The following SERGEF variants were observed in gnomAD, a reference collection of about 807,000 sequenced individuals.
The protein encoded by SERGEF is secretion regulating guanine nucleotide exchange factor.
SERGEF carries 51 observed loss-of-function variants against 50.0 expected under a neutral mutation model. The ratio of observed to expected loss-of-function variants is 1.02; its 90% CI spans 0.81 to 1.29. SERGEF has a LOEUF of 1.29. SERGEF is among the 50% of genes most tolerant of loss of function. The probability of loss-of-function intolerance (pLI) is 0.00; values close to 1 mark genes in which losing one functional copy is unlikely to be tolerated. For synonymous variants in SERGEF, 205 were observed against 212.4 expected (o/e 0.97, Z 0.30); for missense variants, 521 against 557.0 (o/e 0.94, Z 0.65).
chr11:18,012,755 G>A (rs901935688), intron 1 of SERGEF, 196 bp downstream of exon 1: 10 of 1,421,868 alleles, frequency 7.0e-6, no homozygotes, highest in Non-Finnish European at 8.4e-6. Context: ...CCCCTAAGTC[G>A]ACCGCGAAGA....
At chr11:17,874,708 C>G (rs1326947937) in intron 10 of SERGEF, among the ~76,000 whole-genome samples, 1 of 152,136 alleles carries the variant, frequency 6.6e-6, no homozygotes, top group Non-Finnish European at 1.5e-5. Context: ...GAATCCTGTC[C>G]TTGAACAAAT....
At chr11:17,909,162 C>T (rs964707005) in intron 9 of SERGEF, among the ~76,000 whole-genome samples, 2 of 152,176 alleles carry the variant, frequency 1.3e-5, no homozygotes, top group Admixed American at 6.5e-5. Flanking sequence ...CCTCTGTGAC[C>T]TTGGGCAAGT....
intron 9 of SERGEF, among the ~76,000 whole-genome samples, chr11:17,928,629 A>T (rs1354653840): frequency 1.3e-5 from 2 of 152,116 alleles, no homozygotes; most frequent in African/African-American, 4.8e-5. Context: ...CAACCAATGA[A>T]AAAAAAACAA....
At chr11:17,797,572 A>G (rs1849591788) in intron 10 of SERGEF, among the ~76,000 whole-genome samples, 1 of 147,674 alleles carries the variant, frequency 6.8e-6, no homozygotes, top group Non-Finnish European at 1.5e-5. Context: ...ATTTTTCTTC[A>G]TTTTTTTTTT....
At chr11:17,961,121 C>T (rs1323738227) in intron 8 of SERGEF, among the ~76,000 whole-genome samples, 1 of 152,126 alleles carries the variant, frequency 6.6e-6, no homozygotes, top group East Asian at 1.9e-4. Context: ...ACTACTATGC[C>T]GCCATTTGGC....
chr11:17,799,077 C>T (rs1440006715), intron 10 of SERGEF, among the ~76,000 whole-genome samples: 1 of 152,188 alleles, frequency 6.6e-6, no homozygotes, highest in Non-Finnish European at 1.5e-5. Context: ...TTCTTCAATC[C>T]TGGTGATACC....
chr11:17,955,128 C>T (rs533694344), intron 9 of SERGEF, among the ~76,000 whole-genome samples: 279 of 152,280 alleles, frequency 1.8e-3, no homozygotes, highest in African/African-American at 6.3e-3. Flanking sequence ...TGTTGTCCCT[C>T]GGCCTGATAT....
intron 10 of SERGEF, among the ~76,000 whole-genome samples, chr11:17,830,399 C>G (rs917048787): frequency 6.6e-5 from 10 of 152,166 alleles, no homozygotes; most frequent in African/African-American, 2.4e-4. Context: ...AACAGAATAG[C>G]ACAGACTGGA....
At chr11:17,836,047 G>GT (rs1308422866) in intron 10 of SERGEF, among the ~76,000 whole-genome samples, 4 of 152,326 alleles carry the variant, frequency 2.6e-5, no homozygotes, top group African/African-American at 9.6e-5. Flanking sequence ...TGGTTGACTG[G>GT]TTAGGTAGAG....
chr11:17,804,759 A>G (rs1849727989), intron 10 of SERGEF, among the ~76,000 whole-genome samples: 1 of 152,232 alleles, frequency 6.6e-6, no homozygotes, highest in African/African-American at 2.4e-5. Context: ...CATTAGTGGT[A>G]TATCTAACTA....
intron 9 of SERGEF, among the ~76,000 whole-genome samples, chr11:17,945,927 G>A (rs1852650365): frequency 6.6e-6 from 1 of 151,474 alleles, no homozygotes; most frequent in Non-Finnish European, 1.5e-5. Context: ...GCAGTGAGCC[G>A]AGATCACACC....
At chr11:17,817,462 T>C (rs1372337847) in intron 10 of SERGEF, among the ~76,000 whole-genome samples, 1 of 152,126 alleles carries the variant, frequency 6.6e-6, no homozygotes, top group Non-Finnish European at 1.5e-5. Context: ...GTGATCTGCC[T>C]GCCTCAGCCT....
chr11:17,964,306 G>A (rs1853074258), intron 8 of SERGEF, among the ~76,000 whole-genome samples: 1 of 151,786 alleles, frequency 6.6e-6, no homozygotes, highest in South Asian at 2.1e-4. Context: ...GGTAGGGTGG[G>A]TGGATGATGA....
chr11:17,928,967 A>G (rs538825699), intron 9 of SERGEF, among the ~76,000 whole-genome samples: 1 of 152,362 alleles, frequency 6.6e-6, no homozygotes, highest in Admixed American at 6.5e-5. Flanking sequence ...GCAATGTGAA[A>G]GTACCTAACA....
At chr11:17,907,788 A>G (rs548675756) in intron 9 of SERGEF, among the ~76,000 whole-genome samples, 117 of 152,370 alleles carry the variant, frequency 7.7e-4, no homozygotes, top group African/African-American at 2.7e-3. Context: ...CAGAGGGAAG[A>G]TGGGGTAGGG....
chr11:17,989,052 T>G (rs1421952513), intron 7 of SERGEF, among the ~76,000 whole-genome samples: 1 of 152,228 alleles, frequency 6.6e-6, no homozygotes, highest in East Asian at 1.9e-4. Flanking sequence ...ACATCTACCA[T>G]GTGTATGAGA....
intron 10 of SERGEF, among the ~76,000 whole-genome samples, chr11:17,818,456 A>G (rs1850020163): frequency 6.6e-6 from 1 of 152,188 alleles, no homozygotes; most frequent in Non-Finnish European, 1.5e-5. Flanking sequence ...ATTCCACAAA[A>G]ATCCCATGAG....
intron 10 of SERGEF, among the ~76,000 whole-genome samples, chr11:17,806,922 G>A (rs1849768767): frequency 6.6e-6 from 1 of 151,836 alleles, no homozygotes; most frequent in African/African-American, 2.4e-5. Flanking sequence ...CCCCACCCCT[G>A]AGCCAGGACT....
At chr11:17,855,756 G>C (rs1229949041) in intron 10 of SERGEF, 1 of 152,238 alleles carries the variant, frequency 6.6e-6, no homozygotes, top group Non-Finnish European at 1.5e-5. Flanking sequence ...TTCTCCCTCT[G>C]AGACACGATT....
Sources: gnomAD v4.1 joint callset for allele counts (sites outside exome capture counted in the v4.1 genomes callset) on GRCh38, gnomAD v4.1.1 for gene constraint, MANE v1.5 for transcripts, NCBI Gene and HGNC (gene_info 2026-07-23, HGNC 2026-07-21) for gene names.